The following TFR2 variants were observed in gnomAD, a reference collection of about 807,000 sequenced individuals.
TFR2 encodes the protein transferrin receptor protein 2.
In TFR2, 64 loss-of-function variants were observed where a neutral mutation model predicts 91.9. That is an observed-to-expected ratio of 0.70 (90% confidence interval 0.57 to 0.86). The LOEUF (loss-of-function observed/expected upper bound fraction) is 0.86. Among genes scored for constraint, TFR2 ranks in the 40% least tolerant of loss-of-function variants. TFR2 has a pLI of 0.00. For missense variants in TFR2, 950 were observed against 1,080.5 expected, an observed-to-expected ratio of 0.88 and a Z score of 1.69; for synonymous variants, 454 against 459.6, an observed-to-expected ratio of 0.99 and a Z score of 0.15.
chr7:100,622,634 A>G (rs571428224), intron 17 of TFR2, among the ~76,000 whole-genome samples: 79 of 152,330 alleles, frequency 5.2e-4, no homozygotes, highest in African/African-American at 1.6e-3. Flanking sequence ...CAAATGAAAT[A>G]AATCCTCTAG....
At position 100,621,031 on chromosome 7, in the gene TFR2, C is replaced by G; in HGVS notation, c.2232G>C (p.Leu744=). 1 of 1,591,654 alleles carries G rather than the reference C, an allele frequency of 6.3e-7. No homozygotes were observed. Among genetic ancestry groups the G allele is most frequent in the Non-Finnish European group, 8.6e-7 (1 of 1,169,392 alleles). Residue 744 remains leucine (L), a synonymous_variant, in exon 18 of 18, where the codon CTG becomes CTC. Coordinates refer to ENST00000223051, the MANE Select transcript of TFR2 (RefSeq NM_003227.4). ...AGCGCAGCAGCCGCAGGTGGTCCAG[C>G]AGGGCGCCCAGCGTGTGGTCTCCAC... ...MGRGDHTLGA[L]LDHLRLLRSN...
chr7:100,640,778 G>T lies in TFR2; in HGVS notation c.381C>A (p.Asp127Glu), dbSNP rs145795884. The change falls in exon 3 of 18, where the codon GAC becomes GAA. Residue 127 changes from aspartate (D) to glutamate (E), a missense_variant. Transcript: ENST00000223051. ...AGAGTCTGCCCTGGTGGAAATCCAG[G>T]TCAGGCTCATAGTTGACATCCTCAC... The part of the protein sequence containing the change: ...VVSEDVNYEP[D>E]LDFHQGRLYW... The T allele has an allele frequency of 3.7e-4, 591 of 1,614,172 alleles. No homozygotes were observed. Among genetic ancestry groups the T allele is most frequent in the Non-Finnish European group, 4.7e-4 (549 of 1,180,010 alleles).
In TFR2 at chr7:100,627,645, TG is replaced by T; in HGVS notation, c.1698del (p.Met567TrpfsTer103). The part of the protein sequence containing the change: ...SWDAEVIRPL[P>X]MDSSAYSFTA... ...GTGAAGGAATAGGCACTGCTGTCCATGGGTAGGGGCCGGATCCTGGGGGCAG... is the reference window on the plus strand; with the variant it reads ...GTGAAGGAATAGGCACTGCTGTCCATGGTAGGGGCCGGATCCTGGGGGCAG... On this transcript the variant is annotated frameshift_variant, in exon 15 of 18. Coordinates refer to ENST00000223051, the MANE Select transcript of TFR2 (RefSeq NM_003227.4). LOFTEE classifies it high-confidence loss of function. The T allele has an allele frequency of 6.2e-7, 1 of 1,614,100 alleles. No homozygotes were observed. The highest frequency in any genetic ancestry group is 8.5e-7 in the Non-Finnish European group (1 of 1,179,986).
In TFR2 at chr7:100,632,143, G is replaced by A. The variant is rs139984206; in HGVS notation, c.905C>T (p.Ala302Val). 72 of 1,614,080 alleles carry A rather than the reference G, an allele frequency of 4.5e-5. No homozygotes were observed. In the African/African-American group the frequency reaches 7.6e-4, roughly 17 times the overall value. Reference protein sequence around the residue: ...AQGVLIYPEPADFSQDPPKPS... With the variant: ...AQGVLIYPEPVDFSQDPPKPS... ...CTTGGGTGGGTCCTGGGAGAAGTCCGCTGGCTCTGGGTATATGAGCACTCC... is the reference window on the plus strand; with the variant it reads ...CTTGGGTGGGTCCTGGGAGAAGTCCACTGGCTCTGGGTATATGAGCACTCC... The change falls in exon 7 of 18, where the codon GCG (alanine) becomes GTG (valine). Residue 302 changes from alanine (A) to valine (V), a missense_variant. Physicochemically the swap from Ala to Val is moderately conservative, Grantham distance 64. Transcript: ENST00000223051.
chr7:100,630,762 T>A, intron 9 of TFR2, 127 bp downstream of exon 9: 1 of 1,361,912 alleles, frequency 7.3e-7, no homozygotes, highest in Non-Finnish European at 1.0e-6. Context: ...CCAGCTTCCC[T>A]CCTCTGGGCA....
intron 17 of TFR2, among the ~76,000 whole-genome samples, chr7:100,626,008 A>G (rs1191604924): frequency 6.6e-6 from 1 of 152,200 alleles, no homozygotes; most frequent in Non-Finnish European, 1.5e-5. Context: ...GTGTGTGTGC[A>G]CAAGTGGCTC....
In TFR2 at chr7:100,633,520, G is replaced by A. The variant is rs199819126; in HGVS notation, c.510C>T (p.Ala170=). 5 of 1,608,468 alleles carry A rather than the reference G, an allele frequency of 3.1e-6. No individual in the cohort carries two copies. Among genetic ancestry groups the A allele is most frequent in the Non-Finnish European group, 3.4e-6 (4 of 1,179,796 alleles). ...TSLRERVAGS[A]GMAALTQDIR... ...TGTCCTGAGTCAGAGCGGCCATCCC[G>A]GCCGAGCCTGCCACCCGTTCCCGAA... is the stretch of plus-strand genomic sequence containing the variant. Residue 170 remains alanine, a synonymous_variant, in exon 4 of 18, where the codon GCC becomes GCT. Transcript: ENST00000223051.
At position 100,629,746 on chromosome 7, in the gene TFR2, T is replaced by C. The variant is rs73407394; in HGVS notation, c.1271-374A>G. 6.1e-3 allele frequency among the ~76,000 whole-genome samples: 925 copies of C among 152,094 alleles called. 15 individuals are homozygous for C. Among genetic ancestry groups the C allele is most frequent in the African/African-American group, 0.022 (893 of 41,438 alleles). On this transcript the variant is annotated intron_variant, in intron 9 of 17. Coordinates refer to ENST00000223051, the MANE Select transcript of TFR2 (RefSeq NM_003227.4). ...CTAATTTCTTTTACTTACTTACTTA[T>C]TTATTTATTTAATTTATTTTTTGGA... is the stretch of plus-strand genomic sequence containing the variant.
chr7:100,621,066 A>G lies in TFR2; in HGVS notation c.2197T>C (p.Phe733Leu), dbSNP rs778048538. 4 of 1,560,526 alleles carry G rather than the reference A, an allele frequency of 2.6e-6. No homozygotes were observed. Among genetic ancestry groups the G allele is most frequent in the Non-Finnish European group, 2.6e-6 (3 of 1,150,876 alleles). Residue 733 changes from phenylalanine to leucine, a missense_variant, in exon 18 of 18, where the codon TTC (phenylalanine) becomes CTC (leucine). By Grantham distance (22) the Phe-to-Leu change is conservative (BLOSUM62 0). Transcript: ENST00000223051. The stretch of plus-strand genomic sequence containing the variant: ...AGCGTGTGGTCTCCACGGCCCATGA[A>G]GATGTGGCGGAACGGGGAGTCGGCT... The part of the protein sequence containing the change: ...SPADSPFRHI[F>L]MGRGDHTLGA...
chr7:100,638,706 G>A (rs1473597392), intron 3 of TFR2, among the ~76,000 whole-genome samples: 1 of 151,104 alleles, frequency 6.6e-6, no homozygotes, highest in Non-Finnish European at 1.5e-5. Flanking sequence ...AGCCGAGATC[G>A]CACCACTGCA....
At position 100,627,377 on chromosome 7, in the gene TFR2, GC is replaced by G; in HGVS notation, c.1881del (p.Gln628SerfsTer42). The G allele has an allele frequency of 6.4e-7, 1 of 1,556,008 alleles. No homozygotes were observed. Among genetic ancestry groups the G allele is most frequent in the Non-Finnish European group, 8.7e-7 (1 of 1,149,682 alleles). ...AVAQAVAQLA[G>X]QLLIRLSHDR... is the part of the protein sequence containing the mutation. The stretch of plus-strand genomic sequence containing the variant: ...TCGTGGCTGAGCCGGATGAGGAGCT[GC>G]CCTGCGAGCTGGGCCACGGCCTGGG... On this transcript the variant is annotated frameshift_variant, in exon 16 of 18. Coordinates refer to ENST00000223051, the MANE Select transcript of TFR2 (RefSeq NM_003227.4). LOFTEE classifies it high-confidence loss of function.
At chr7:100,626,961 A>T in intron 16 of TFR2, 58 bp from the exon 17 acceptor site, 1 of 1,511,060 alleles carries the variant, frequency 6.6e-7, no homozygotes, top group Non-Finnish European at 8.8e-7. Context: ...CCCGCCTAGC[A>T]TGGGGACAAG....
rs1397037671 is a variant in TFR2 at position 100,640,883 on chromosome 7, G to A, written c.287-11C>T. ...AGCCCAGTAGGAAGGCTGGCGGGTG[G>A]CAAGATGGGGATTCTCTTTATGCCC... On this transcript the variant is annotated splice_polypyrimidine_tract_variant and intron_variant, in intron 2 of 17. Transcript: ENST00000223051. The A allele has an allele frequency of 6.2e-6, 10 of 1,613,868 alleles. No individual in the cohort carries two copies. The highest frequency in any genetic ancestry group is 8.5e-6 in the Non-Finnish European group (10 of 1,180,022).
rs746472693 is a variant in TFR2 at position 100,628,314 on chromosome 7, CAG to C, written c.1391-10_1391-9del. The stretch of plus-strand genomic sequence containing the variant: ...TTCTGCGGGGCCGGAAGCCTGGGGA[CAG>C]AGGGGAAGGAGGACAGGCTTAGCAG... On this transcript the variant is annotated splice_polypyrimidine_tract_variant and intron_variant, in intron 10 of 17. Transcript: ENST00000223051. The C allele has an allele frequency of 1.9e-6, 3 of 1,614,016 alleles. No individual in the cohort carries two copies. Among genetic ancestry groups the C allele is most frequent in the Admixed American group, 1.7e-5 (1 of 60,018 alleles).
rs773320398 is a variant in TFR2, at chr7:100,628,307, C to T, written c.1391-1G>A. The T allele has an allele frequency of 6.2e-7, 1 of 1,614,042 alleles. No homozygotes were observed. Among genetic ancestry groups the T allele is most frequent in the Non-Finnish European group, 8.5e-7 (1 of 1,179,942 alleles). On this transcript the variant is annotated splice_acceptor_variant, in intron 10 of 17. Coordinates refer to ENST00000223051, the MANE Select transcript of TFR2 (RefSeq NM_003227.4). LOFTEE classifies it high-confidence loss of function. ...AGGAGACTTCTGCGGGGCCGGAAGC[C>T]TGGGGACAGAGGGGAAGGAGGACAG...
In TFR2 at chr7:100,640,677, C is replaced by A; in HGVS notation, c.473+9G>T. ...ACTCGAGAACAGGATGGGGCAGGGCCATCCCTACCTGATGGTGTCCTCCAG... is the reference window on the plus strand; with the variant it reads ...ACTCGAGAACAGGATGGGGCAGGGCAATCCCTACCTGATGGTGTCCTCCAG... On this transcript the variant is annotated intron_variant, in intron 3 of 17. Coordinates refer to ENST00000223051, the MANE Select transcript of TFR2 (RefSeq NM_003227.4). 1 of 1,611,416 alleles carries A rather than the reference C, an allele frequency of 6.2e-7. No individual in the cohort carries two copies. Among genetic ancestry groups the A allele is most frequent in the Non-Finnish European group, 8.5e-7 (1 of 1,179,644 alleles).
At chr7:100,628,881 C>T (rs1400083814) in intron 10 of TFR2, among the ~76,000 whole-genome samples, 4 of 152,132 alleles carry the variant, frequency 2.6e-5, no homozygotes, top group African/African-American at 4.8e-5. Flanking sequence ...ATTCTCCTGC[C>T]TCAGCCTCCC....
chr7:100,629,126 A>G (rs1301496270), intron 10 of TFR2, 127 bp downstream of exon 10: 2 of 1,255,504 alleles, frequency 1.6e-6, no homozygotes, highest in African/African-American at 1.5e-5. Flanking sequence ...CTCAGGTACA[A>G]TGTGGATGCC....
rs41295912 is a variant in TFR2, at chr7:100,627,570, G to C, written c.1767+7C>G. The C allele has an allele frequency of 3.5e-5, 57 of 1,614,134 alleles. No homozygotes were observed. In the African/African-American group the frequency reaches 6.9e-4, roughly 20 times the overall value. On this transcript the variant is annotated splice_region_variant and intron_variant, in intron 15 of 17. Transcript: ENST00000223051. The stretch of plus-strand genomic sequence containing the variant: ...GCTGTGTCTGGGGCAGGGGGAGGAC[G>C]TCTCACCTCCATAAAGGAGAACTCG...
Sources: gnomAD v4.1 joint callset for allele counts (sites outside exome capture counted in the v4.1 genomes callset) on GRCh38, gnomAD v4.1.1 for gene constraint, MANE v1.5 for transcripts, NCBI Gene and HGNC (gene_info 2026-07-23, HGNC 2026-07-21) for gene names.